OLFM3: variants seen among roughly 807,000 people sequenced by gnomAD.
OLFM3 encodes olfactomedin 3, also known as noelin-3.
Under a neutral mutation model 48.6 loss-of-function variants are expected in OLFM3, and 20 were observed. That is an observed-to-expected ratio of 0.41 (90% CI 0.29 to 0.60). The LOEUF is 0.60. OLFM3 is among the 20% of genes least tolerant of loss of function. The pLI is 0.28. For synonymous variants in OLFM3, 222 were observed against 198.1 expected (o/e 1.12, Z -1.01); for missense variants, 437 against 544.3 (o/e 0.80, Z 1.96).
chr1:101,853,637 T>C (rs1656304869), intron 1 of OLFM3, among the ~76,000 whole-genome samples: 1 of 152,094 alleles, frequency 6.6e-6, no homozygotes, highest in Non-Finnish European at 1.5e-5. Context: ...TAAATGAATA[T>C]GTTACTATTT....
intron 1 of OLFM3, among the ~76,000 whole-genome samples, chr1:101,914,709 G>A (rs1444614717): frequency 2.0e-5 from 3 of 152,128 alleles, no homozygotes. Flanking sequence ...TATAGCCAAA[G>A]GTGGCAAAGC....
intron 1 of OLFM3, among the ~76,000 whole-genome samples, chr1:101,883,266 T>C (rs1317698120): frequency 1.3e-5 from 2 of 150,460 alleles, no homozygotes; most frequent in African/African-American, 4.9e-5. Flanking sequence ...AATATTTGTC[T>C]GCTTATATTT....
chr1:101,921,429 A>G (rs1659091135), intron 1 of OLFM3, among the ~76,000 whole-genome samples: 2 of 152,174 alleles, frequency 1.3e-5, no homozygotes, highest in African/African-American at 4.8e-5. Flanking sequence ...TCCTCCCAAC[A>G]TAAAGCTCTT....
At chr1:101,946,563 A>G (rs1287226442) in intron 1 of OLFM3, among the ~76,000 whole-genome samples, 3 of 152,220 alleles carry the variant, frequency 2.0e-5, no homozygotes, top group African/African-American at 7.2e-5. Context: ...CAAAAAGACG[A>G]TAAGTGGCAA....
chr1:101,948,161 A>T (rs1660016373), intron 1 of OLFM3, among the ~76,000 whole-genome samples: 1 of 152,206 alleles, frequency 6.6e-6, no homozygotes, highest in South Asian at 2.1e-4. Flanking sequence ...ATTACTGATA[A>T]AACAAAAACT....
In OLFM3 at chr1:101,970,097, C is replaced by A. The variant is rs890436576; in HGVS notation, c.69+26651G>T. Among the ~76,000 whole-genome samples the A allele has an allele frequency of 2.0e-5, 3 of 151,756 alleles. 1 individual carries two copies. In the South Asian group the frequency reaches 6.2e-4, roughly 32 times the overall value. On this transcript the variant is annotated intron_variant, in intron 1 of 5. Transcript: ENST00000370103. ...GTGGCTTGATCTCAGCTCACTGCAACCTCCACCTTCTGGGCTCAAGCAATT... is the reference window on the plus strand; with the variant it reads ...GTGGCTTGATCTCAGCTCACTGCAAACTCCACCTTCTGGGCTCAAGCAATT...
intron 1 of OLFM3, among the ~76,000 whole-genome samples, chr1:101,889,926 A>T (rs1657923638): frequency 6.6e-6 from 1 of 152,088 alleles, no homozygotes; most frequent in Non-Finnish European, 1.5e-5. Context: ...AATGATAAAA[A>T]AGTCAGAAAA....
chr1:101,965,530 G>A (rs926306702), intron 1 of OLFM3, among the ~76,000 whole-genome samples: 3 of 152,128 alleles, frequency 2.0e-5, no homozygotes, highest in Non-Finnish European at 4.4e-5. Context: ...CACACCATCT[G>A]GCAGAAACGT....
At chr1:101,862,192 A>C (rs1656688446) in intron 1 of OLFM3, among the ~76,000 whole-genome samples, 1 of 152,188 alleles carries the variant, frequency 6.6e-6, no homozygotes, top group Non-Finnish European at 1.5e-5. Context: ...CTGGGTTGAA[A>C]ATTGAGGCTG....
intron 1 of OLFM3, among the ~76,000 whole-genome samples, chr1:101,861,070 A>ATTTCCTTTTTTT (rs1553174351): frequency 6.6e-6 from 1 of 151,334 alleles, no homozygotes; most frequent in Admixed American, 6.6e-5. Flanking sequence ...ATTTGATTAT[A>ATTTCCTTTTTTT]TTTTTTTTTG....
At chr1:101,871,740 A>T (rs1329037655) in intron 1 of OLFM3, among the ~76,000 whole-genome samples, 3 of 152,114 alleles carry the variant, frequency 2.0e-5, no homozygotes, top group Admixed American at 2.0e-4. Context: ...TATAAATATG[A>T]TTTATAATAT....
At chr1:101,820,514 TC>T (rs1281129770) in intron 4 of OLFM3, among the ~76,000 whole-genome samples, 2 of 152,118 alleles carry the variant, frequency 1.3e-5, no homozygotes, top group Non-Finnish European at 2.9e-5. Context: ...ATTCCATCTT[TC>T]ATTGGAGTAC....
At chr1:101,984,137 G>A (rs772041748) in intron 1 of OLFM3, among the ~76,000 whole-genome samples, 1 of 151,632 alleles carries the variant, frequency 6.6e-6, no homozygotes, top group Non-Finnish European at 1.5e-5. Flanking sequence ...CTACTTGGGA[G>A]GCTGAGGCCC....
At chr1:101,813,522 C>T (rs1420928914) in intron 4 of OLFM3, among the ~76,000 whole-genome samples, 1 of 152,114 alleles carries the variant, frequency 6.6e-6, no homozygotes, top group African/African-American at 2.4e-5. Context: ...GCACACGTGT[C>T]TTAAAGGTAG....
At position 101,804,189 on chromosome 1, in the gene OLFM3, T is replaced by C. The variant is rs184730028; in HGVS notation, c.*49A>G. ...AAAAAACGGAAGGGGTCTTATAGAG[T>C]TTATCACAAATCACACTGTTTAAAT... On this transcript the variant is annotated 3_prime_UTR_variant, in exon 6 of 6. Coordinates refer to ENST00000370103, the MANE Select transcript of OLFM3 (RefSeq NM_058170.4). This position sits in a 1 kb window ranked among gnomAD's most constrained non-coding sequence, Gnocchi z 4.5. The C allele has an allele frequency of 3.6e-4, 498 of 1,402,140 alleles. 4 individuals carry two copies. In the East Asian group the frequency reaches 9.9e-3, roughly 28 times the overall value. 86.9% of individuals were successfully genotyped at this position (1,402,140 alleles called of 1,614,324 possible).
At chr1:101,936,529 G>T (rs920673932) in intron 1 of OLFM3, among the ~76,000 whole-genome samples, 1 of 152,168 alleles carries the variant, frequency 6.6e-6, no homozygotes, top group Non-Finnish European at 1.5e-5. Flanking sequence ...AGACCATACT[G>T]CCAAAACCTG....
At chr1:101,831,881 G>T (rs1006156603) in intron 2 of OLFM3, among the ~76,000 whole-genome samples, 4 of 152,168 alleles carry the variant, frequency 2.6e-5, no homozygotes, top group Non-Finnish European at 5.9e-5. Context: ...CATAAAATTT[G>T]ATCTTTTTTG....
intron 4 of OLFM3, among the ~76,000 whole-genome samples, chr1:101,817,769 A>G (rs188799676): frequency 6.6e-6 from 1 of 152,254 alleles, no homozygotes; most frequent in East Asian, 1.9e-4. Flanking sequence ...TAAGGCCATT[A>G]GAGAACTCAT....
At chr1:101,843,332 T>C (rs1655820366) in intron 1 of OLFM3, among the ~76,000 whole-genome samples, 1 of 152,176 alleles carries the variant, frequency 6.6e-6, no homozygotes, top group African/African-American at 2.4e-5. Context: ...TTTTAATTGC[T>C]CTTTCCCAGG....
Sources: allele counts gnomAD v4.1 joint callset (sites outside exome capture counted in the v4.1 genomes callset), GRCh38; gene constraint gnomAD v4.1.1; non-coding constraint Gnocchi (gnomAD v3.1); transcripts MANE v1.5; gene names NCBI Gene and HGNC (gene_info 2026-07-23, HGNC 2026-07-21).